Variants in WIPF1 observed in about 807,000 individuals in gnomAD.
The protein encoded by WIPF1 is WAS/WASL-interacting protein family member 1.
Under a neutral mutation model 35.4 loss-of-function variants are expected in WIPF1, and 13 were observed. The ratio of observed to expected loss-of-function variants is 0.37; its 90% CI spans 0.24 to 0.58. The LOEUF (loss-of-function observed/expected upper bound fraction) is 0.58. Among genes scored for constraint, WIPF1 ranks in the 20% least tolerant of loss-of-function variants. The pLI, the probability that WIPF1 is intolerant of heterozygous loss-of-function variation, is 0.74. For synonymous variants in WIPF1, 267 were observed against 266.3 expected, an observed-to-expected ratio of 1.00 and a Z score of -0.02; for missense variants, 591 against 667.0, an observed-to-expected ratio of 0.89 and a Z score of 1.25.
Position 174,561,032 on chromosome 2 carries a change from T to A in WIPF1, c.*1515A>T, listed in dbSNP as rs1000530354. ...ATTTTAAACAAAACCATGTAAAATA[T>A]CTAAGTGGAAATATTTTTTCCCAAC... On this transcript the variant is annotated 3_prime_UTR_variant, in exon 8 of 8. Coordinates refer to ENST00000679041, the MANE Select transcript of WIPF1 (RefSeq NM_001375834.1). 1 of 152,636 alleles carries A rather than the reference T, an allele frequency of 6.6e-6. No homozygotes were observed. The highest frequency in any genetic ancestry group is 2.4e-5 in the African/African-American group (1 of 41,448). 9.5% of individuals were successfully genotyped at this position (152,636 alleles called of 1,614,324 possible).
chr2:174,572,289 TGGG>T lies in WIPF1; in HGVS notation c.513_515del (p.Pro172del), dbSNP rs776921452. The T allele has an allele frequency of 2.4e-5, 38 of 1,613,598 alleles. 1 individual carries two copies. In the Middle Eastern group the frequency reaches 8.2e-4, roughly 35 times the overall value. ...CAGGCTTTGAGCCCACGTCGGGCCT[TGGG>T]GGCGGCATTCGGTTCCTCTGAGGCT... On this transcript the variant is annotated inframe_deletion, in exon 5 of 8. Coordinates refer to ENST00000679041, the MANE Select transcript of WIPF1 (RefSeq NM_001375834.1).
intron 1 of WIPF1, among the ~76,000 whole-genome samples, chr2:174,624,754 G>A (rs1468837440): frequency 6.6e-6 from 1 of 152,154 alleles, no homozygotes; most frequent in African/African-American, 2.4e-5. Context: ...GTGTGCTCAG[G>A]GGGCTGAGGG....
chr2:174,618,711 A>G (rs898208555), intron 1 of WIPF1, among the ~76,000 whole-genome samples: 4 of 152,170 alleles, frequency 2.6e-5, no homozygotes, highest in African/African-American at 9.7e-5. Context: ...GACCAAGGCC[A>G]CAGAGCTTAT....
At chr2:174,682,302 C>T (rs994109581) in intron 1 of WIPF1, among the ~76,000 whole-genome samples, 10 of 152,320 alleles carry the variant, frequency 6.6e-5, no homozygotes, top group Non-Finnish European at 1.2e-4. Flanking sequence ...CATAGACAGG[C>T]AGGCGGGCGG....
At chr2:174,637,830 G>C (rs1033668869) in intron 1 of WIPF1, among the ~76,000 whole-genome samples, 3 of 152,208 alleles carry the variant, frequency 2.0e-5, no homozygotes, top group Admixed American at 2.0e-4. Context: ...TACCAAGTGA[G>C]TGAAATTCTG....
At chr2:174,673,316 A>T in intron 1 of WIPF1, 1 of 152,164 alleles carries the variant, frequency 6.6e-6, no homozygotes, top group East Asian at 1.9e-4. Flanking sequence ...GTCCCTTAGG[A>T]TTGGGTCCCA....
intron 1 of WIPF1, among the ~76,000 whole-genome samples, chr2:174,612,418 TA>T (rs1485885201): frequency 6.6e-6 from 1 of 152,238 alleles, no homozygotes. Context: ...TTCTATTATC[TA>T]TGTAAATATT....
At chr2:174,667,042 G>C (rs1048738957) in intron 1 of WIPF1, among the ~76,000 whole-genome samples, 1 of 152,206 alleles carries the variant, frequency 6.6e-6, no homozygotes, top group Non-Finnish European at 1.5e-5. Flanking sequence ...GTATCAGATC[G>C]GGTTTAAGAA....
chr2:174,621,423 T>A (rs953219246), intron 1 of WIPF1, among the ~76,000 whole-genome samples: 3 of 152,168 alleles, frequency 2.0e-5, no homozygotes, highest in African/African-American at 7.2e-5. Flanking sequence ...ACTCTGGAGA[T>A]CAGGAGAGGT....
chr2:174,657,438 G>A (rs1252807335), intron 1 of WIPF1, among the ~76,000 whole-genome samples: 2 of 152,218 alleles, frequency 1.3e-5, no homozygotes, highest in East Asian at 1.9e-4. Flanking sequence ...CGGCTTGAAT[G>A]CTGCATGCTT....
chr2:174,636,520 A>G (rs374486425), intron 1 of WIPF1, among the ~76,000 whole-genome samples: 40 of 152,240 alleles, frequency 2.6e-4, no homozygotes, highest in African/African-American at 9.4e-4. Context: ...ATAAACCAAT[A>G]GTGATACATA....
chr2:174,638,925 T>C (rs1265708054), intron 1 of WIPF1, among the ~76,000 whole-genome samples: 1 of 152,214 alleles, frequency 6.6e-6, no homozygotes, highest in Admixed American at 6.5e-5. Flanking sequence ...CTGGATCATA[T>C]GGTCATGCTA....
In WIPF1 at chr2:174,622,123, C is replaced by G. The variant is rs1686694483; in HGVS notation, c.-38-36512G>C. Among the ~76,000 whole-genome samples, 1 of 152,130 alleles carries G rather than the reference C, an allele frequency of 6.6e-6. No homozygotes were observed. The highest frequency in any genetic ancestry group is 2.1e-4 in the South Asian group (1 of 4,828). On this transcript the variant is annotated intron_variant, in intron 1 of 8. Transcript: ENST00000272746. The surrounding 1 kb of genome is among the most constrained non-coding windows in gnomAD (Gnocchi z 5.1). The stretch of plus-strand genomic sequence containing the variant: ...GTTGCCTTTTAGGTTATTAAATACC[C>G]TGACAGCAACCTGACTGAATTTAGA...
chr2:174,588,756 A>G (rs1172640091), intron 1 of WIPF1, among the ~76,000 whole-genome samples: 2 of 152,148 alleles, frequency 1.3e-5, no homozygotes, highest in Non-Finnish European at 2.9e-5. Context: ...AAAGGGTCTG[A>G]GGTATTGAAA....
rs528554565 is a variant in WIPF1 at position 174,584,330 on chromosome 2, G to GCT, written c.51+1191_51+1192dup. ...AAGGCCACACTCTGAGTAACAATAA[G>GCT]CTAATTAATAGGCAGTTCTTCTCAC... On this transcript the variant is annotated intron_variant, in intron 2 of 7. Coordinates refer to ENST00000679041, the MANE Select transcript of WIPF1 (RefSeq NM_001375834.1). Among the ~76,000 whole-genome samples the GCT allele has an allele frequency of 5.5e-4, 83 of 152,114 alleles. 1 individual carries two copies. The highest frequency in any genetic ancestry group is 1.1e-3 in the Non-Finnish European group (73 of 68,018).
At chr2:174,661,643 C>A (rs2105974858) in intron 1 of WIPF1, among the ~76,000 whole-genome samples, 1 of 152,294 alleles carries the variant, frequency 6.6e-6, no homozygotes, top group African/African-American at 2.4e-5. Context: ...TCTTAATTTA[C>A]CTGCATAAGC....
intron 4 of WIPF1, among the ~76,000 whole-genome samples, chr2:174,573,191 G>C (rs1337189815): frequency 6.7e-6 from 1 of 150,188 alleles, no homozygotes; most frequent in African/African-American, 2.5e-5. Flanking sequence ...GTTCAACAAG[G>C]GAGAAACTAA....
chr2:174,567,932 C>A lies in WIPF1; in HGVS notation c.1271G>T (p.Ser424Ile), dbSNP rs1318334943. The A allele has an allele frequency of 6.2e-7, 1 of 1,613,982 alleles. No homozygotes were observed. Among genetic ancestry groups the A allele is most frequent in the Non-Finnish European group, 8.5e-7 (1 of 1,179,932 alleles). ...PRPPLPPDRP[S>I]AGAPPPPPPS... ...TGGAGGTGGGGGAGGTGCCCCAGCACTGGGCCTATCAGGAGGAAGGGGAGG... is the reference window on the plus strand; with the variant it reads ...TGGAGGTGGGGGAGGTGCCCCAGCAATGGGCCTATCAGGAGGAAGGGGAGG... Residue 424 changes from serine (S) to isoleucine (I), a missense_variant, in exon 6 of 8, where the codon AGT becomes ATT. Ser to Ile is a moderately radical substitution (Grantham distance 142). This residue lies in a region of WIPF1 where 117 missense variants were observed against 149.6 expected (regional missense o/e 0.78). Transcript: ENST00000679041.
At chr2:174,625,947 C>CGG (rs1465722340) in intron 1 of WIPF1, 2 of 152,116 alleles carry the variant, frequency 1.3e-5, no homozygotes, top group African/African-American at 4.8e-5. Flanking sequence ...GGAGGGCCAG[C>CGG]GGTATCTCCT....
Sources: allele counts gnomAD v4.1 joint callset (sites outside exome capture counted in the v4.1 genomes callset), GRCh38; gene constraint gnomAD v4.1.1; regional missense constraint gnomAD v4.1.1; non-coding constraint Gnocchi (gnomAD v3.1); transcripts MANE v1.5; gene names NCBI Gene and HGNC (gene_info 2026-07-23, HGNC 2026-07-21).